The following SAMD4A variants were observed in gnomAD, a reference collection of about 807,000 sequenced individuals.
SAMD4A encodes protein Smaug homolog 1.
Under a neutral mutation model 81.3 loss-of-function variants are expected in SAMD4A, and 33 were observed. The observed-to-expected ratio is 0.41, with a 90% CI of 0.31 to 0.54. SAMD4A has a LOEUF of 0.54. Among genes scored for constraint, SAMD4A ranks in the 20% least tolerant of loss-of-function variants. The probability of loss-of-function intolerance (pLI) is 0.37; values close to 1 mark genes in which losing one functional copy is unlikely to be tolerated. For synonymous variants in SAMD4A, 389 were observed against 382.1 expected, an observed-to-expected ratio of 1.02 and a Z score of -0.21; for missense variants, 854 against 951.1, an observed-to-expected ratio of 0.90 and a Z score of 1.34.
At position 54,579,909 on chromosome 14, in the gene SAMD4A, C is replaced by T. The variant is rs189475067; in HGVS notation, c.196+11797C>T. ...ATAGGATCTGCAGTTGGTCAAAGTA[C>T]CAGTCTGAGGGCTGTAAATTAAAAT... On this transcript the variant is annotated intron_variant, in intron 2 of 12. Coordinates refer to ENST00000554335, the MANE Select transcript of SAMD4A (RefSeq NM_015589.6). Among the ~76,000 whole-genome samples, 24 of 152,278 alleles carry T rather than the reference C, an allele frequency of 1.6e-4. No homozygotes were observed. The East Asian group carries it at 4.2e-3, about 27-fold the overall frequency.
chr14:54,622,085 A>G lies in SAMD4A; in HGVS notation c.196+53973A>G, dbSNP rs375944891. Among the ~76,000 whole-genome samples the G allele has an allele frequency of 3.3e-5, 5 of 152,376 alleles. No homozygotes were observed. In the South Asian group the frequency reaches 1.0e-3, roughly 32 times the overall value. On this transcript the variant is annotated intron_variant, in intron 2 of 12. Coordinates refer to ENST00000554335, the MANE Select transcript of SAMD4A (RefSeq NM_015589.6). ...ACAGTCTTGATGATTTTCACTCAAG[A>G]AATGAATTTTCTTGAATGGGAATAT...
At chr14:54,700,548 T>C (rs1361185564) in intron 2 of SAMD4A, among the ~76,000 whole-genome samples, 2 of 152,238 alleles carry the variant, frequency 1.3e-5, no homozygotes, top group African/African-American at 4.8e-5. Flanking sequence ...TGCTAAGCCC[T>C]TCTGCTAAAT....
Position 54,728,932 on chromosome 14 carries a change from G to A in SAMD4A, c.716-8092G>A, listed in dbSNP as rs538098555. Among the ~76,000 whole-genome samples, 3 of 152,254 alleles carry A rather than the reference G, an allele frequency of 2.0e-5. No individual in the cohort carries two copies. The East Asian group carries it at 5.8e-4, about 29-fold the overall frequency. ...AGAGCCACTGTTCCATGTTATCTGG[G>A]AGCCTTTAAGCTTCAGTGGCAGTGA... On this transcript the variant is annotated intron_variant, in intron 3 of 12. Transcript: ENST00000554335.
At chr14:54,613,162 G>A (rs2034405613) in intron 2 of SAMD4A, among the ~76,000 whole-genome samples, 2 of 96,618 alleles carry the variant, frequency 2.1e-5, no homozygotes, top group Non-Finnish European at 2.3e-5. Flanking sequence ...GGAAGGAAGA[G>A]GGAAAGGGAA....
chr14:54,758,668 A>C (rs1003381908), intron 6 of SAMD4A, among the ~76,000 whole-genome samples: 10 of 152,200 alleles, frequency 6.6e-5, no homozygotes, highest in African/African-American at 2.2e-4. Context: ...CATCTCTGCT[A>C]AAAATACAAA....
At chr14:54,709,623 G>A (rs1232857037) in intron 3 of SAMD4A, among the ~76,000 whole-genome samples, 2 of 152,028 alleles carry the variant, frequency 1.3e-5, no homozygotes, top group Non-Finnish European at 1.5e-5. Flanking sequence ...TTCTAGTAAG[G>A]CCACTCAAGG....
At chr14:54,760,571 T>G (rs913744382) in intron 7 of SAMD4A, 77 bp downstream of exon 7, 1 of 1,358,376 alleles carries the variant, frequency 7.4e-7, no homozygotes, top group East Asian at 3.0e-5. Flanking sequence ...GGGCTTCCCC[T>G]GGGTGCTGGA....
intron 2 of SAMD4A, among the ~76,000 whole-genome samples, chr14:54,605,158 T>TA (rs1159193249): frequency 6.6e-6 from 1 of 152,134 alleles, no homozygotes; most frequent in African/African-American, 2.4e-5. Context: ...ACTTGACAAT[T>TA]ACAGCGGGGG....
intron 2 of SAMD4A, among the ~76,000 whole-genome samples, chr14:54,570,385 A>C (rs1326287533): frequency 1.3e-5 from 2 of 152,238 alleles, no homozygotes; most frequent in Non-Finnish European, 2.9e-5. Context: ...TGAAAGTCCA[A>C]GAGAATATTT....
chr14:54,702,849 G>T, intron 3 of SAMD4A: 3 of 408,982 alleles, frequency 7.3e-6, no homozygotes, highest in South Asian at 5.4e-5. Flanking sequence ...AATGAAAGAA[G>T]GAAACTTGCC....
intron 2 of SAMD4A, among the ~76,000 whole-genome samples, chr14:54,700,738 G>A (rs2036693714): frequency 1.3e-5 from 2 of 152,132 alleles, no homozygotes; most frequent in South Asian, 2.1e-4. Context: ...TCAATCCCAA[G>A]ACAGGCTATT....
At chr14:54,771,454 T>C (rs1051015215) in intron 9 of SAMD4A, among the ~76,000 whole-genome samples, 2 of 152,144 alleles carry the variant, frequency 1.3e-5, no homozygotes, top group Non-Finnish European at 2.9e-5. Context: ...GCAACTCTCA[T>C]GGTCTCAGGA....
chr14:54,710,279 T>C (rs1215759271), intron 3 of SAMD4A, among the ~76,000 whole-genome samples: 1 of 152,158 alleles, frequency 6.6e-6, no homozygotes, highest in African/African-American at 2.4e-5. Context: ...CCATAGAAGA[T>C]AAAAAGTAAA....
chr14:54,721,350 C>A (rs1371696647), intron 3 of SAMD4A, among the ~76,000 whole-genome samples: 1 of 152,164 alleles, frequency 6.6e-6, no homozygotes, highest in African/African-American at 2.4e-5. Context: ...TAAATAGTAA[C>A]TATCTTATCC....
Position 54,776,395 on chromosome 14 carries a change from CT to C in SAMD4A, c.1918-15del. The C allele has an allele frequency of 6.3e-7, 1 of 1,585,448 alleles. No individual in the cohort carries two copies. The highest frequency in any genetic ancestry group is 8.6e-7 in the Non-Finnish European group (1 of 1,168,080). ...AGTGGGGCTGAACTAACAAGTTCCC[CT>C]TTTGCTTTTCTCACCAGAACCTGTG... On this transcript the variant is annotated intron_variant, in intron 10 of 12. Coordinates refer to ENST00000554335, the MANE Select transcript of SAMD4A (RefSeq NM_015589.6).
intron 2 of SAMD4A, chr14:54,693,164 C>G (rs1252088043): frequency 6.6e-6 from 1 of 152,072 alleles, no homozygotes; most frequent in Non-Finnish European, 1.5e-5. Flanking sequence ...TTGAGCTAAT[C>G]ATTTTATTTT....
At chr14:54,610,405 A>G (rs2034322764) in intron 2 of SAMD4A, among the ~76,000 whole-genome samples, 1 of 152,202 alleles carries the variant, frequency 6.6e-6, no homozygotes, top group African/African-American at 2.4e-5. Context: ...GTCCCAGAAA[A>G]GCGTTTTCTT....
In SAMD4A at chr14:54,783,175, CA is replaced by C. The variant is rs1054853048; in HGVS notation, c.2045-1357del. On this transcript the variant is annotated intron_variant, in intron 11 of 12. Transcript: ENST00000554335. ...AAAACTTTAAAAAAAAAAAAAAAAACAAAAAGGATTTCACAACTCTTAGCTG... is the reference window on the plus strand; with the variant it reads ...AAAACTTTAAAAAAAAAAAAAAAAACAAAAGGATTTCACAACTCTTAGCTG... Among the ~76,000 whole-genome samples the C allele has an allele frequency of 2.8e-3, 390 of 139,076 alleles. 1 individual carries two copies. The highest frequency in any genetic ancestry group is 0.01 in the African/African-American group (372 of 35,956). The allele number at this position is 139,076 out of a possible 152,430, so 91.2% of individuals were successfully genotyped here.
chr14:54,584,375 G>A (rs932447652), intron 2 of SAMD4A, among the ~76,000 whole-genome samples: 9 of 152,144 alleles, frequency 5.9e-5, no homozygotes, highest in Admixed American at 4.6e-4. Context: ...AAACATCAGC[G>A]TCTTTTTTAT....
Sources: gnomAD v4.1 joint callset for allele counts (sites outside exome capture counted in the v4.1 genomes callset) on GRCh38, gnomAD v4.1.1 for gene constraint, MANE v1.5 for transcripts, NCBI Gene and HGNC (gene_info 2026-07-23, HGNC 2026-07-21) for gene names.